Variants in ERC2 observed in about 807,000 individuals in gnomAD.
The protein encoded by ERC2 is ERC protein 2.
ERC2 carries 42 observed loss-of-function variants against 114.8 expected under a neutral mutation model. That is an observed-to-expected ratio of 0.37 (90% CI 0.29 to 0.47). The LOEUF is 0.47. Ranked by LOEUF, ERC2 falls within the 20% of genes least tolerant of loss-of-function variation. The pLI is 0.99. For synonymous variants in ERC2, 454 were observed against 425.5 expected (o/e 1.07, Z -0.82); for missense variants, 939 against 1,150.7 (o/e 0.82, Z 2.66).
intron 17 of ERC2, among the ~76,000 whole-genome samples, chr3:55,674,953 G>A (rs1008700273): frequency 1.3e-5 from 2 of 152,156 alleles, no homozygotes; most frequent in African/African-American, 4.8e-5. Flanking sequence ...ATGGCAAGGA[G>A]TCTCCTTATA....
At chr3:55,548,779 C>G (rs1477838629) in intron 17 of ERC2, among the ~76,000 whole-genome samples, 1 of 152,092 alleles carries the variant, frequency 6.6e-6, no homozygotes, top group African/African-American at 2.4e-5. Flanking sequence ...ACATGGGTAC[C>G]AGGCAGGCTT....
intron 13 of ERC2, among the ~76,000 whole-genome samples, chr3:55,898,530 A>C (rs1559836881): frequency 6.6e-6 from 1 of 152,174 alleles, no homozygotes; most frequent in Non-Finnish European, 1.5e-5. Context: ...TCTTCTACAA[A>C]ATGTAAATAA....
At chr3:56,034,651 T>C (rs2074679368) in intron 7 of ERC2, among the ~76,000 whole-genome samples, 1 of 152,068 alleles carries the variant, frequency 6.6e-6, no homozygotes, top group South Asian at 2.1e-4. Context: ...ACCACAATAG[T>C]ATGAAATTAG....
intron 14 of ERC2, among the ~76,000 whole-genome samples, chr3:55,802,964 A>G (rs1177032107): frequency 1.3e-5 from 2 of 152,204 alleles, no homozygotes; most frequent in Admixed American, 6.5e-5. Flanking sequence ...TATTGACCGT[A>G]TATCATTACG....
At chr3:55,756,438 A>C (rs1391579892) in intron 14 of ERC2, among the ~76,000 whole-genome samples, 1 of 152,196 alleles carries the variant, frequency 6.6e-6, no homozygotes, top group African/African-American at 2.4e-5. Context: ...AGCTTCCCAT[A>C]TGTGCCCCAT....
rs962660784 is a variant in ERC2 at position 55,659,835 on chromosome 3, G to T, written c.*39+23959C>A. The stretch of plus-strand genomic sequence containing the variant: ...TTCTCCTCTGCCGCCTCTGTACCTG[G>T]CCAACTCCTACTTATCCGTGAGGCC... On this transcript the variant is annotated intron_variant, in intron 17 of 17. Coordinates refer to ENST00000288221, the MANE Select transcript of ERC2 (RefSeq NM_015576.3). Among the ~76,000 whole-genome samples, 10 of 151,058 alleles carry T rather than the reference G, an allele frequency of 6.6e-5. No individual in the cohort carries two copies. In the Admixed American group the frequency reaches 6.7e-4, roughly 10 times the overall value.
intron 17 of ERC2, among the ~76,000 whole-genome samples, chr3:55,673,047 C>T (rs2061629576): frequency 6.6e-6 from 1 of 152,136 alleles, no homozygotes; most frequent in Admixed American, 6.5e-5. Context: ...TCCCTGTGTC[C>T]CAAGCCTGTT....
intron 7 of ERC2, among the ~76,000 whole-genome samples, chr3:56,065,798 G>A (rs1419582174): frequency 2.6e-5 from 4 of 152,068 alleles, no homozygotes; most frequent in African/African-American, 9.7e-5. Context: ...TATATGTGGT[G>A]TTTGGTTTTC....
chr3:56,399,034 G>A (rs562117004), intron 2 of ERC2, among the ~76,000 whole-genome samples: 1 of 152,334 alleles, frequency 6.6e-6, no homozygotes, highest in African/African-American at 2.4e-5. Context: ...GCCATGTCAA[G>A]TGGGCACAGG....
rs1238618235 is a variant in ERC2, at chr3:56,137,219, TG to T, written c.1473+2289del. 4.6e-5 allele frequency among the ~76,000 whole-genome samples: 7 copies of T among 152,232 alleles called. No individual in the cohort carries two copies. The East Asian group carries it at 1.3e-3, about 29-fold the overall frequency. On this transcript the variant is annotated intron_variant, in intron 6 of 17. Transcript: ENST00000288221. Reference sequence around the variant, plus strand: ...GAGAGAAACCATCAAGAAACCTGACTGCTGGTTTGGGTAAGCAGACTGCCTT... The same window carrying T: ...GAGAGAAACCATCAAGAAACCTGACTCTGGTTTGGGTAAGCAGACTGCCTT...
At chr3:55,806,241 A>G (rs1255585733) in intron 14 of ERC2, among the ~76,000 whole-genome samples, 1 of 151,972 alleles carries the variant, frequency 6.6e-6, no homozygotes, top group Non-Finnish European at 1.5e-5. Flanking sequence ...AGGCTGAAGC[A>G]GAAGAATTGC....
chr3:55,895,964 AC>A (rs1310829557), intron 13 of ERC2, among the ~76,000 whole-genome samples: 1 of 152,104 alleles, frequency 6.6e-6, no homozygotes, highest in Non-Finnish European at 1.5e-5. Context: ...GTTCGCTGCC[AC>A]CCCAGCAGCC....
chr3:56,055,494 T>C (rs1560098394), intron 7 of ERC2, among the ~76,000 whole-genome samples: 1 of 152,312 alleles, frequency 6.6e-6, no homozygotes, highest in East Asian at 1.9e-4. Context: ...TGGCCAAATA[T>C]ATTTATGTCT....
At chr3:56,430,299 T>C (rs2061737559) in intron 2 of ERC2, among the ~76,000 whole-genome samples, 1 of 152,214 alleles carries the variant, frequency 6.6e-6, no homozygotes, top group South Asian at 2.1e-4. Context: ...TGATTTTTCC[T>C]TTAAAAGGAA....
intron 14 of ERC2, among the ~76,000 whole-genome samples, chr3:55,816,399 C>T (rs1431913387): frequency 6.6e-6 from 1 of 152,176 alleles, no homozygotes; most frequent in Admixed American, 6.5e-5. Flanking sequence ...CATGTGGCCC[C>T]ACTCCATACC....
intron 17 of ERC2, among the ~76,000 whole-genome samples, chr3:55,649,992 T>G (rs1008914610): frequency 6.6e-6 from 1 of 152,224 alleles, no homozygotes; most frequent in Non-Finnish European, 1.5e-5. Flanking sequence ...TCCCAGGTCC[T>G]GAATCCCGGC....
At chr3:56,447,038 T>C (rs368798285) in intron 1 of ERC2, among the ~76,000 whole-genome samples, 1 of 152,326 alleles carries the variant, frequency 6.6e-6, no homozygotes, top group East Asian at 1.9e-4. Context: ...AACTCCATCA[T>C]GGGCTGAGGG....
intron 1 of ERC2, among the ~76,000 whole-genome samples, chr3:56,452,083 T>A (rs1173575431): frequency 6.6e-6 from 1 of 152,158 alleles, no homozygotes; most frequent in African/African-American, 2.4e-5. Context: ...TCATGAGAAT[T>A]TAAGGCTTGT....
intron 7 of ERC2, among the ~76,000 whole-genome samples, chr3:56,035,676 T>TA (rs1160849657): frequency 5.3e-5 from 8 of 152,214 alleles, no homozygotes; most frequent in African/African-American, 1.7e-4. Context: ...CTCTGGAAGA[T>TA]ACAGCATTCA....
Sources: allele counts gnomAD v4.1 joint callset (sites outside exome capture counted in the v4.1 genomes callset), GRCh38; gene constraint gnomAD v4.1.1; transcripts MANE v1.5; gene names NCBI Gene and HGNC (gene_info 2026-07-23, HGNC 2026-07-21).